Variants in SELENOT observed in about 807,000 individuals in gnomAD.
SELENOT encodes thioredoxin reductase-like selenoprotein T.
In SELENOT, 9 loss-of-function variants were observed where a neutral mutation model predicts 24.3. That is an observed-to-expected ratio of 0.37 (90% CI 0.22 to 0.65). The LOEUF is 0.65. Among genes scored for constraint, SELENOT ranks in the 30% least tolerant of loss-of-function variants. The pLI is 0.60. For synonymous variants in SELENOT, 81 were observed against 86.0 expected, an observed-to-expected ratio of 0.94 and a Z score of 0.32; for missense variants, 166 against 247.6, an observed-to-expected ratio of 0.67 and a Z score of 2.21.
chr3:150,606,166 G>C, intron 1 of SELENOT, among the ~76,000 whole-genome samples: 1 of 43,642 alleles, frequency 2.3e-5, no homozygotes. Flanking sequence ...TTTTTTTTTT[G>C]CTGAGACAGA....
intron 1 of SELENOT, among the ~76,000 whole-genome samples, chr3:150,605,037 C>CAAA (rs10663147): frequency 4.2e-4 from 49 of 117,142 alleles, no homozygotes; most frequent in African/African-American, 6.3e-4. Flanking sequence ...AACTCCGTCT[C>CAAA]AAAAAAAAAA....
chr3:150,625,147 T>A (rs1338961942), intron 4 of SELENOT, among the ~76,000 whole-genome samples: 1 of 151,832 alleles, frequency 6.6e-6, no homozygotes, highest in Non-Finnish European at 1.5e-5. Flanking sequence ...CCTTGAGGAG[T>A]TGGCCCTATT....
At chr3:150,621,664 G>A (rs1726347401) in intron 1 of SELENOT, among the ~76,000 whole-genome samples, 1 of 131,320 alleles carries the variant, frequency 7.6e-6, no homozygotes, top group Admixed American at 8.7e-5. Flanking sequence ...CTGAAAGTGA[G>A]TTGCTTAGAG....
chr3:150,622,196 G>A (rs1245264166), intron 1 of SELENOT, among the ~76,000 whole-genome samples, 189 bp from the exon 2 acceptor site: 7 of 151,986 alleles, frequency 4.6e-5, no homozygotes, highest in Admixed American at 4.6e-4. Context: ...ATTTGAGGGG[G>A]TGGTAACTGA....
chr3:150,612,990 TCTTGGCA>T (rs1456336208), intron 1 of SELENOT, among the ~76,000 whole-genome samples: 2 of 152,226 alleles, frequency 1.3e-5, no homozygotes, highest in Admixed American at 1.3e-4. Context: ...AAGTTAGAGT[TCTTGGCA>T]CTATTCACAT....
chr3:150,613,085 T>C (rs558997324), intron 1 of SELENOT, among the ~76,000 whole-genome samples: 1 of 152,294 alleles, frequency 6.6e-6, no homozygotes, highest in South Asian at 2.1e-4. Context: ...TAAAAAACTG[T>C]CATAGTTTGG....
rs1726484202 is a variant in SELENOT at position 150,628,252 on chromosome 3, A to T, written c.*623A>T. 2 of 152,536 alleles carry T rather than the reference A, an allele frequency of 1.3e-5. No homozygotes were observed. The highest frequency in any genetic ancestry group is 6.6e-5 in the Admixed American group (1 of 15,266). The allele number at this position is 152,536 out of a possible 1,614,324, so 9.4% of individuals were successfully genotyped here. On this transcript the variant is annotated 3_prime_UTR_variant, in exon 6 of 6. Transcript: ENST00000471696. ...TGCGTGTGATTACCAGAGAACTACT[A>T]AAAAAACCAACTGCTTTTTAAATCC...
At chr3:150,619,199 C>T (rs1726281969) in intron 1 of SELENOT, among the ~76,000 whole-genome samples, 1 of 131,936 alleles carries the variant, frequency 7.6e-6, no homozygotes, top group East Asian at 2.2e-4. Flanking sequence ...CCAGCCTGGG[C>T]GACAGAGCGA....
rs1453829734 is a variant in SELENOT, at chr3:150,611,462, G to T, written c.137+7963G>T. 1.4e-5 allele frequency: 17 copies of T among 1,188,118 alleles called. No homozygotes were observed. In the East Asian group the frequency reaches 4.0e-4, roughly 28 times the overall value. The allele number at this position is 1,188,118 out of a possible 1,614,324, so 73.6% of individuals were successfully genotyped here. On this transcript the variant is annotated intron_variant, in intron 1 of 5. Coordinates refer to ENST00000471696, the MANE Select transcript of SELENOT (RefSeq NM_016275.5). ...TTGTATCTCCTAAGTGTATTTACTT[G>T]TAATTGGTATAAATCAACCTCTGGG...
intron 1 of SELENOT, among the ~76,000 whole-genome samples, chr3:150,614,221 T>C (rs978686699): frequency 2.0e-5 from 3 of 152,206 alleles, no homozygotes; most frequent in Non-Finnish European, 4.4e-5. Context: ...TTGGAGATTC[T>C]TAGGAGCTGT....
intron 1 of SELENOT, among the ~76,000 whole-genome samples, chr3:150,617,405 A>G (rs949368926): frequency 3.3e-5 from 5 of 152,176 alleles, no homozygotes; most frequent in African/African-American, 1.2e-4. Context: ...GTTTGAAACC[A>G]CCCTGGGCAA....
In SELENOT at chr3:150,627,138, C is replaced by T; in HGVS notation, c.*4C>T. The T allele has an allele frequency of 2.5e-6, 4 of 1,608,128 alleles. No homozygotes were observed. Among genetic ancestry groups the T allele is most frequent in the Non-Finnish European group, 2.5e-6 (3 of 1,177,018 alleles). On this transcript the variant is annotated 3_prime_UTR_variant, in exon 5 of 6. Transcript: ENST00000471696. ...AATCCCACACCATCGATCATAGCAC[C>T]ACCTATCAGCACTGAAAACTCTTTT...
intron 1 of SELENOT, among the ~76,000 whole-genome samples, chr3:150,618,233 A>G (rs1267561630): frequency 2.0e-5 from 3 of 152,210 alleles, no homozygotes; most frequent in Non-Finnish European, 4.4e-5. Context: ...GTATTTCTGG[A>G]ACATCAGCTA....
intron 1 of SELENOT, chr3:150,611,409 TG>T: frequency 8.1e-7 from 1 of 1,241,118 alleles, no homozygotes; most frequent in Non-Finnish European, 1.2e-6. Context: ...TATTAAGTCC[TG>T]GTCTGGTTGG....
At chr3:150,606,288 G>A (rs561762322) in intron 1 of SELENOT, among the ~76,000 whole-genome samples, 2 of 151,802 alleles carry the variant, frequency 1.3e-5, no homozygotes, top group South Asian at 4.2e-4. Context: ...GACTGCAGAC[G>A]CGCACCACCA....
intron 1 of SELENOT, among the ~76,000 whole-genome samples, chr3:150,617,631 G>A (rs751020205): frequency 5.3e-5 from 8 of 152,074 alleles, no homozygotes; most frequent in Non-Finnish European, 1.2e-4. Flanking sequence ...GCCACGTTAG[G>A]CTCATTTTGT....
chr3:150,626,895 T>C (rs1726457168), intron 4 of SELENOT, 115 bp from the exon 5 acceptor site: 4 of 1,022,844 alleles, frequency 3.9e-6, no homozygotes, highest in Middle Eastern at 3.2e-4. Flanking sequence ...CAGTGTACTT[T>C]TTTGCCTACT....
At chr3:150,609,230 C>T (rs1049569352) in intron 1 of SELENOT, among the ~76,000 whole-genome samples, 14 of 152,192 alleles carry the variant, frequency 9.2e-5, no homozygotes, top group African/African-American at 3.1e-4. Flanking sequence ...AGTAACTTTT[C>T]GGCCTGGCCT....
At chr3:150,617,848 G>GGTTTGGTTTA (rs1438792893) in intron 1 of SELENOT, among the ~76,000 whole-genome samples, 11 of 151,844 alleles carry the variant, frequency 7.2e-5, no homozygotes, top group Admixed American at 7.2e-4. Context: ...TGTTTGGTTT[G>GGTTTGGTTTA]GTTTGGTTTG....
Sources: allele counts gnomAD v4.1 joint callset (sites outside exome capture counted in the v4.1 genomes callset), GRCh38; gene constraint gnomAD v4.1.1; transcripts MANE v1.5; gene names NCBI Gene and HGNC (gene_info 2026-07-23, HGNC 2026-07-21).